Variants in DNAH3 observed in about 807,000 individuals in gnomAD.
DNAH3 encodes axonemal beta dynein heavy chain 3.
In DNAH3, 332 loss-of-function variants were observed where a neutral mutation model predicts 432.5. The ratio of observed to expected loss-of-function variants is 0.77; its 90% confidence interval spans 0.70 to 0.84. DNAH3 has a LOEUF of 0.84. Among genes scored for constraint, DNAH3 ranks in the 40% least tolerant of loss-of-function variants. DNAH3 has a pLI of 0.00. For missense variants in DNAH3, 4,861 were observed against 5,114.0 expected, an observed-to-expected ratio of 0.95 and a Z score of 1.51; for synonymous variants, 1,956 against 1,900.2, an observed-to-expected ratio of 1.03 and a Z score of -0.76.
At chr16:21,064,530 G>T (rs115541421) in intron 24 of DNAH3, among the ~76,000 whole-genome samples, 1 of 152,124 alleles carries the variant, frequency 6.6e-6, no homozygotes, top group Non-Finnish European at 1.5e-5. Context: ...CTACAGTGTT[G>T]AGCAAGTACA....
chr16:21,075,939 AAG>A (rs1555548416), intron 20 of DNAH3, among the ~76,000 whole-genome samples: 1,638 of 148,994 alleles, frequency 0.011, 46 homozygotes, highest in African/African-American at 0.039. Flanking sequence ...AAAAAAAAAA[AAG>A]GGAGGAATTT....
At chr16:21,111,885 C>A in intron 13 of DNAH3, 81 bp from the exon 14 acceptor site, 1 of 1,566,690 alleles carries the variant, frequency 6.4e-7, no homozygotes. Flanking sequence ...CTGGCCAACC[C>A]TAGTCCAATG....
At chr16:21,016,382 T>C (rs1048166823) in intron 41 of DNAH3, among the ~76,000 whole-genome samples, 2 of 152,356 alleles carry the variant, frequency 1.3e-5, no homozygotes, top group East Asian at 1.9e-4. Context: ...AAAAGAATTG[T>C]CATCAAAATA....
chr16:21,046,129 T>C (rs2152738782), intron 31 of DNAH3, among the ~76,000 whole-genome samples: 1 of 143,656 alleles, frequency 7.0e-6, no homozygotes, highest in East Asian at 2.0e-4. Flanking sequence ...TGTGGTGTGG[T>C]GCTGAAAAAA....
chr16:20,945,519 T>C (rs904397635), intron 57 of DNAH3, among the ~76,000 whole-genome samples: 1 of 151,396 alleles, frequency 6.6e-6, no homozygotes, highest in African/African-American at 2.4e-5. Flanking sequence ...TTGAGACAGA[T>C]TCTTGCTGTC....
Position 20,984,973 on chromosome 16 carries a change from T to C in DNAH3, c.7665+104A>G, listed in dbSNP as rs187899898. 1,083 of 1,245,962 alleles carry C rather than the reference T, an allele frequency of 8.7e-4. 2 individuals are homozygous for C. Among genetic ancestry groups the C allele is most frequent in the East Asian group, 5.3e-3 (226 of 42,878 alleles). 77.2% of individuals were successfully genotyped at this position (1,245,962 alleles called of 1,614,324 possible). ...TCAACCCTGGGACCATTGTAAGGGATTGGCCTGCTCAGGGCACTCAGAAGA... is the reference window on the plus strand; with the variant it reads ...TCAACCCTGGGACCATTGTAAGGGACTGGCCTGCTCAGGGCACTCAGAAGA... On this transcript the variant is annotated intron_variant, in intron 48 of 61. Transcript: ENST00000261383.
Position 20,985,313 on chromosome 16 carries a change from TGATCTTCTTAA to T in DNAH3, c.7418_7428del (p.Leu2473HisfsTer23), listed in dbSNP as rs765432349. On this transcript the variant is annotated frameshift_variant, in exon 48 of 62. Transcript: ENST00000261383. LOFTEE classifies it high-confidence loss of function. ...TTGGTGGCCACACCGACCTGCAGTA[TGATCTTCTTAA>T]GATCTTCTCGCCAGTCATTGCCTGC... 1.2e-6 allele frequency: 2 copies of T among 1,614,252 alleles called. No individual in the cohort carries two copies. Among genetic ancestry groups the T allele is most frequent in the East Asian group, 2.2e-5 (1 of 44,890 alleles).
intron 51 of DNAH3, among the ~76,000 whole-genome samples, chr16:20,973,020 C>T (rs1224265707): frequency 2.6e-5 from 4 of 151,952 alleles, no homozygotes; most frequent in African/African-American, 7.3e-5. Flanking sequence ...TGAGCCACCT[C>T]GCCCAGCTGC....
chr16:20,963,626 A>G, exon 53 of DNAH3: 2 of 1,614,030 alleles, frequency 1.2e-6, no homozygotes, highest in South Asian at 1.1e-5. Flanking sequence ...ATCTCTGCCC[A>G]TGCCTTCTCA....
At chr16:20,988,714 G>A (rs574623531) in intron 44 of DNAH3, among the ~76,000 whole-genome samples, 5 of 152,380 alleles carry the variant, frequency 3.3e-5, no homozygotes, top group South Asian at 2.1e-4. Context: ...TCCGGAATTG[G>A]TGGGTTCTTA....
intron 1 of DNAH3, among the ~76,000 whole-genome samples, chr16:21,153,535 C>G (rs986292075): frequency 1.3e-5 from 2 of 152,154 alleles, no homozygotes; most frequent in African/African-American, 2.4e-5. Flanking sequence ...AGCAGGCTGC[C>G]CGGGCCAGCA....
At position 21,000,267 on chromosome 16, in the gene DNAH3, G is replaced by T. The variant is rs188420275; in HGVS notation, c.6378C>A (p.Gly2126=). 273 of 1,614,050 alleles carry T rather than the reference G, an allele frequency of 1.7e-4. 1 individual carries two copies. The highest frequency in any genetic ancestry group is 2.3e-4 in the Admixed American group (14 of 59,990). ...TCTTCCCTATGGGAGGCCCGAAAAG[G>T]CCCTTCCGTCGTCGATCCAGCTTGG... The change falls in exon 43 of 62, where the codon GGC becomes GGA. Residue 2126 remains glycine, a synonymous_variant. Coordinates refer to ENST00000261383, the Ensembl canonical transcript of DNAH3.
chr16:21,099,214 G>C (rs957983887), intron 16 of DNAH3, among the ~76,000 whole-genome samples: 2 of 149,688 alleles, frequency 1.3e-5, no homozygotes, highest in Non-Finnish European at 3.0e-5. Context: ...TTTTAACTGA[G>C]GGAGACCTAG....
chr16:21,081,659 A>C, exon 20 of DNAH3: 1 of 1,613,834 alleles, frequency 6.2e-7, no homozygotes, highest in South Asian at 1.1e-5. Flanking sequence ...TGCCGAATCC[A>C]AATTCGAGCA....
At chr16:20,953,932 GTAATGTCCTC>G (rs2084434088) in intron 55 of DNAH3, among the ~76,000 whole-genome samples, 1 of 151,982 alleles carries the variant, frequency 6.6e-6, no homozygotes, top group African/African-American at 2.4e-5. Flanking sequence ...TTCACTTAGC[GTAATGTCCTC>G]TAATGTCCTC....
chr16:21,086,794 G>T, intron 19 of DNAH3, 55 bp downstream of exon 19: 1 of 1,516,778 alleles, frequency 6.6e-7, no homozygotes, highest in Non-Finnish European at 9.2e-7. Flanking sequence ...CCCAAGGACA[G>T]TCAGGGCCAG....
intron 39 of DNAH3, among the ~76,000 whole-genome samples, chr16:21,024,180 G>C (rs2088412593): frequency 6.6e-6 from 1 of 152,130 alleles, no homozygotes; most frequent in African/African-American, 2.4e-5. Context: ...AAGGTGGGAG[G>C]TGCAGAGTCC....
At chr16:20,934,009 C>G (rs956338288) in intron 61 of DNAH3, among the ~76,000 whole-genome samples, 4 of 152,120 alleles carry the variant, frequency 2.6e-5, no homozygotes, top group Non-Finnish European at 4.4e-5. Flanking sequence ...ACAGTTGGCC[C>G]TGGTGAGCTG....
Position 21,042,151 on chromosome 16 carries a change from A to C in DNAH3, c.4514T>G (p.Ile1505Ser), listed in dbSNP as rs761294150. The C allele has an allele frequency of 1.2e-5, 19 of 1,612,882 alleles. No individual in the cohort carries two copies. The South Asian group carries it at 2.1e-4, about 18-fold the overall frequency. ...GATGAATGTCTTTAGCTTCCGAATG[A>C]TGGCTTGTTGGATGCTGAGGATCTG... The change falls in exon 32 of 62, where the codon ATC becomes AGC. Residue 1505 changes from isoleucine to serine, a missense_variant. By Grantham distance (142) the Ile-to-Ser change is moderately radical (BLOSUM62 -2). Coordinates refer to ENST00000261383, the Ensembl canonical transcript of DNAH3.
Sources: allele counts gnomAD v4.1 joint callset (sites outside exome capture counted in the v4.1 genomes callset), GRCh38; gene constraint gnomAD v4.1.1; transcripts MANE v1.5; gene names NCBI Gene and HGNC (gene_info 2026-07-23, HGNC 2026-07-21).